SLC2A9: variants seen among roughly 807,000 people sequenced by gnomAD.
SLC2A9 encodes the protein solute carrier family 2, facilitated glucose transporter member 9.
SLC2A9 carries 39 observed loss-of-function variants against 50.6 expected under a neutral mutation model. The ratio of observed to expected loss-of-function variants is 0.77; its 90% CI spans 0.60 to 1.01. The LOEUF is 1.01. Ranked by LOEUF, SLC2A9 falls within the 50% of genes least tolerant of loss-of-function variation. The pLI is 0.00. For missense variants in SLC2A9, 686 were observed against 677.6 expected (o/e 1.01, Z -0.14); for synonymous variants, 324 against 276.9 (o/e 1.17, Z -1.69).
intron 5 of SLC2A9, among the ~76,000 whole-genome samples, chr4:9,946,208 C>G (rs1749114998): frequency 6.8e-6 from 1 of 147,182 alleles, no homozygotes; most frequent in African/African-American, 2.6e-5. Context: ...TTTTTAACTC[C>G]CAGTCAGGTC....
intron 4 of SLC2A9, among the ~76,000 whole-genome samples, chr4:9,981,610 G>T (rs999263979): frequency 2.7e-4 from 41 of 152,292 alleles, no homozygotes; most frequent in African/African-American, 9.1e-4. Context: ...GCCCCAGTGG[G>T]TCTCTGATCT....
chr4:9,791,621 G>T (rs867883192), intron 3 of SLC2A9, among the ~76,000 whole-genome samples: 5 of 152,186 alleles, frequency 3.3e-5, no homozygotes, highest in African/African-American at 1.2e-4. Context: ...CAGTCACGTT[G>T]TGGGTGTTCT....
At chr4:10,030,614 C>T (rs956150715) in intron 1 of SLC2A9, among the ~76,000 whole-genome samples, 1 of 152,154 alleles carries the variant, frequency 6.6e-6, no homozygotes, top group Non-Finnish European at 1.5e-5. Context: ...GTACCTTCCT[C>T]ATAATTTTTC....
intron 3 of SLC2A9, among the ~76,000 whole-genome samples, chr4:9,780,421 G>A (rs556891904): frequency 5.9e-5 from 9 of 152,178 alleles, no homozygotes; most frequent in Non-Finnish European, 1.2e-4. Flanking sequence ...CCTCTCCAGC[G>A]GCAAAAAGCA....
At chr4:9,903,990 A>G (rs1359903673) in intron 8 of SLC2A9, among the ~76,000 whole-genome samples, 1 of 148,744 alleles carries the variant, frequency 6.7e-6, no homozygotes, top group African/African-American at 2.4e-5. Context: ...TGCATATTAT[A>G]TATATAACCT....
chr4:9,830,895 C>T (rs1468405918), intron 11 of SLC2A9, among the ~76,000 whole-genome samples: 1 of 152,222 alleles, frequency 6.6e-6, no homozygotes, highest in African/African-American at 2.4e-5. Flanking sequence ...CCACAGTTGC[C>T]TCCCTTCTCT....
chr4:9,832,673 G>T lies in SLC2A9; in HGVS notation c.1419+2208C>A, dbSNP rs148452616. Among the ~76,000 whole-genome samples the T allele has an allele frequency of 2.0e-4, 31 of 152,268 alleles. 1 individual carries two copies. Among genetic ancestry groups the T allele is most frequent in the Admixed American group, 1.9e-3 (29 of 15,296 alleles). On this transcript the variant is annotated intron_variant, in intron 11 of 11. Coordinates refer to ENST00000264784, the MANE Select transcript of SLC2A9 (RefSeq NM_020041.3). ...AGAAGCAAGAACAAAACAAAGAATTGATTCCAGTTTTTAGAAATACAAAAA... is the reference window on the plus strand; with the variant it reads ...AGAAGCAAGAACAAAACAAAGAATTTATTCCAGTTTTTAGAAATACAAAAA...
chr4:10,000,832 C>T (rs957297312), intron 2 of SLC2A9, among the ~76,000 whole-genome samples: 1 of 152,130 alleles, frequency 6.6e-6, no homozygotes, highest in Non-Finnish European at 1.5e-5. Flanking sequence ...TTCCTCCCTA[C>T]GTGAGTGAAT....
chr4:9,786,333 C>T (rs1390151902), intron 3 of SLC2A9, among the ~76,000 whole-genome samples: 1 of 152,208 alleles, frequency 6.6e-6, no homozygotes, highest in Non-Finnish European at 1.5e-5. Context: ...TCAACTTGAA[C>T]CCAGGTAGCC....
At position 9,943,858 on chromosome 4, in the gene SLC2A9, T is replaced by G. The variant is rs116484962; in HGVS notation, c.682-1813A>C. Among the ~76,000 whole-genome samples the G allele has an allele frequency of 4.1e-3, 631 of 152,226 alleles. 5 individuals carry two copies. Among genetic ancestry groups the G allele is most frequent in the African/African-American group, 0.014 (591 of 41,518 alleles). On this transcript the variant is annotated intron_variant, in intron 5 of 11. Coordinates refer to ENST00000264784, the MANE Select transcript of SLC2A9 (RefSeq NM_020041.3). ...TGAAGCTCCTACCACGTGCCGGATG[T>G]GATGTGAGCCCTTCCCATGGCTGTC...
intron 3 of SLC2A9, chr4:9,781,624 G>A (rs531790860): frequency 3.0e-5 from 5 of 167,484 alleles, no homozygotes; most frequent in Non-Finnish European, 6.4e-5. Context: ...AGGGACCGCG[G>A]CAGCGCCTCA....
At chr4:10,010,195 A>C (rs1761528633) in intron 2 of SLC2A9, among the ~76,000 whole-genome samples, 1 of 152,236 alleles carries the variant, frequency 6.6e-6, no homozygotes, top group South Asian at 2.1e-4. Flanking sequence ...TACATGATGA[A>C]ACCCCAATAA....
At position 9,877,138 on chromosome 4, in the gene SLC2A9, C is replaced by T. The variant is rs1220930463; in HGVS notation, c.1291+10429G>A. Among the ~76,000 whole-genome samples the T allele has an allele frequency of 1.3e-5, 2 of 152,174 alleles. 1 individual carries two copies. Among genetic ancestry groups the T allele is most frequent in the Non-Finnish European group, 2.9e-5 (2 of 68,036 alleles). On this transcript the variant is annotated intron_variant, in intron 10 of 11. Transcript: ENST00000264784. ...TTGAGGGGAAAGGAGACATCTGATT[C>T]GACTCCCCCTAAAGTGCTGGGATAC...
At chr4:9,880,506 A>G in intron 10 of SLC2A9, 1 of 985,434 alleles carries the variant, frequency 1.0e-6, no homozygotes, top group Non-Finnish European at 1.2e-6. Flanking sequence ...CACTTGGAAC[A>G]GAATCAGGAT....
In SLC2A9 at chr4:9,945,842, A is replaced by G. The variant is rs948702153; in HGVS notation, c.682-3797T>C. Among the ~76,000 whole-genome samples the G allele has an allele frequency of 2.6e-5, 4 of 152,340 alleles. No homozygotes were observed. In the East Asian group the frequency reaches 7.7e-4, roughly 29 times the overall value. On this transcript the variant is annotated intron_variant, in intron 5 of 11. Transcript: ENST00000264784. ...AGGCAGAGACCTGCTAGCACACAGT[A>G]GTGGTTCAATACATGTCTATTGAAG...
In SLC2A9 at chr4:9,826,755, A is replaced by G. The variant is rs1000993343; in HGVS notation, c.1420-155T>C. The stretch of plus-strand genomic sequence containing the variant: ...GATGCTGGCTCAATAAGGCAAGTGT[A>G]CCCTACATGAAGTGTTATCACATAA... On this transcript the variant is annotated intron_variant, in intron 11 of 11. Transcript: ENST00000264784. 1.7e-4 allele frequency among the ~76,000 whole-genome samples: 26 copies of G among 152,228 alleles called. 2 individuals carry two copies. Among genetic ancestry groups the G allele is most frequent in the Non-Finnish European group, 2.9e-5 (2 of 68,040 alleles).
chr4:9,832,289 T>G (rs544849177), intron 11 of SLC2A9, among the ~76,000 whole-genome samples: 44 of 152,160 alleles, frequency 2.9e-4, no homozygotes, highest in Non-Finnish European at 6.2e-4. Context: ...TAGCCCTGTA[T>G]TTCTCTAATG....
intron 8 of SLC2A9, among the ~76,000 whole-genome samples, chr4:9,901,831 G>A (rs1395876723): frequency 6.6e-6 from 1 of 152,182 alleles, no homozygotes; most frequent in Non-Finnish European, 1.5e-5. Flanking sequence ...CTGACCTCTA[G>A]GCGGCTTCAG....
At chr4:10,033,526 A>T (rs1242911569) in intron 1 of SLC2A9, among the ~76,000 whole-genome samples, 2 of 152,206 alleles carry the variant, frequency 1.3e-5, no homozygotes, top group Non-Finnish European at 2.9e-5. Flanking sequence ...TAAACACTGG[A>T]CTAAGATATC....
Sources: gnomAD v4.1 joint callset for allele counts (sites outside exome capture counted in the v4.1 genomes callset) on GRCh38, gnomAD v4.1.1 for gene constraint, MANE v1.5 for transcripts, NCBI Gene and HGNC (gene_info 2026-07-23, HGNC 2026-07-21) for gene names.